CCNB1IP1: variants seen among roughly 807,000 people sequenced by gnomAD.
CCNB1IP1 encodes the protein E3 ubiquitin-protein ligase CCNB1IP1.
A neutral mutation model predicts 25.6 loss-of-function variants in CCNB1IP1; 14 were observed. The observed-to-expected ratio is 0.55, with a 90% CI of 0.36 to 0.85. The LOEUF is 0.85. Among genes scored for constraint, CCNB1IP1 ranks in the 40% least tolerant of loss-of-function variants. The pLI is 0.01. For synonymous variants in CCNB1IP1, 119 were observed against 116.1 expected, an observed-to-expected ratio of 1.02 and a Z score of -0.16; for missense variants, 278 against 342.4, an observed-to-expected ratio of 0.81 and a Z score of 1.48.
chr14:20,316,130 A>T, intron 5 of CCNB1IP1, 97 bp downstream of exon 5: 2 of 1,085,882 alleles, frequency 1.8e-6, no homozygotes, highest in Non-Finnish European at 2.6e-6. Flanking sequence ...TCATATACTC[A>T]TAAAAAATTA....
At chr14:20,324,786 A>G (rs1594282042) in intron 4 of CCNB1IP1, among the ~76,000 whole-genome samples, 1 of 152,080 alleles carries the variant, frequency 6.6e-6, no homozygotes, top group African/African-American at 2.4e-5. Context: ...TCCAGAACCC[A>G]TATATATACT....
intron 4 of CCNB1IP1, among the ~76,000 whole-genome samples, chr14:20,319,980 G>A (rs1443076416): frequency 6.6e-6 from 1 of 152,178 alleles, no homozygotes; most frequent in Non-Finnish European, 1.5e-5. Flanking sequence ...TTGTTTTAAT[G>A]TACAACTCTT....
intron 5 of CCNB1IP1, chr14:20,314,312 A>G (rs1882605879): frequency 6.6e-6 from 1 of 152,134 alleles, no homozygotes; most frequent in Non-Finnish European, 1.5e-5. Context: ...TAGGAGACAC[A>G]CTCCCTTGCT....
intron 4 of CCNB1IP1, among the ~76,000 whole-genome samples, chr14:20,317,356 G>A (rs1400763688): frequency 2.6e-5 from 4 of 152,000 alleles, no homozygotes; most frequent in African/African-American, 4.8e-5. Context: ...CAGTGAGCCG[G>A]GATCGCGCCA....
At chr14:20,324,952 G>A (rs1280714294) in intron 4 of CCNB1IP1, among the ~76,000 whole-genome samples, 1 of 152,040 alleles carries the variant, frequency 6.6e-6, no homozygotes, top group Non-Finnish European at 1.5e-5. Context: ...TGGGACTACA[G>A]GCGCACACCA....
intron 4 of CCNB1IP1, among the ~76,000 whole-genome samples, chr14:20,324,511 T>G (rs1883003726): frequency 6.6e-6 from 1 of 152,106 alleles, no homozygotes; most frequent in Non-Finnish European, 1.5e-5. Context: ...CGTCAATCTA[T>G]TATGCAGATG....
intron 4 of CCNB1IP1, among the ~76,000 whole-genome samples, chr14:20,323,917 C>CAAAAAAAAAAAAAAA (rs59156707): frequency 1.4e-5 from 1 of 73,720 alleles, no homozygotes; most frequent in Non-Finnish European, 2.5e-5. Flanking sequence ...GACTCCGTCT[C>CAAAAAAAAAAAAAAA]AAAAAAAAAA....
At chr14:20,323,014 T>C (rs1457099204) in intron 4 of CCNB1IP1, among the ~76,000 whole-genome samples, 2 of 152,214 alleles carry the variant, frequency 1.3e-5, no homozygotes, top group Non-Finnish European at 2.9e-5. Flanking sequence ...TGAATGACTT[T>C]AGAGTATAAT....
intron 2 of CCNB1IP1, among the ~76,000 whole-genome samples, chr14:20,327,153 A>C (rs1054417916): frequency 3.9e-5 from 6 of 152,180 alleles, no homozygotes; most frequent in African/African-American, 1.2e-4. Context: ...ATTTTGTATA[A>C]ATTTACAAGC....
intron 4 of CCNB1IP1, among the ~76,000 whole-genome samples, chr14:20,317,115 T>C (rs552140421): frequency 1.3e-5 from 2 of 151,360 alleles, no homozygotes; most frequent in African/African-American, 4.9e-5. Flanking sequence ...TCTCATAACA[T>C]GTATATATAT....
At chr14:20,314,010 A>G (rs1041725025) in intron 5 of CCNB1IP1, among the ~76,000 whole-genome samples, 2 of 152,368 alleles carry the variant, frequency 1.3e-5, no homozygotes, top group Admixed American at 1.3e-4. Context: ...AAAGTCTGGA[A>G]GAATACTCTC....
intron 4 of CCNB1IP1, among the ~76,000 whole-genome samples, chr14:20,319,412 T>C (rs907223618): frequency 2.0e-5 from 3 of 152,212 alleles, no homozygotes; most frequent in South Asian, 2.1e-4. Context: ...TTGAGCCTTC[T>C]GTGTGAATTC....
intron 4 of CCNB1IP1, among the ~76,000 whole-genome samples, chr14:20,322,131 C>A (rs1882913489): frequency 6.6e-6 from 1 of 152,202 alleles, no homozygotes; most frequent in Non-Finnish European, 1.5e-5. Flanking sequence ...CTATTCCTCA[C>A]ATAAATAGAT....
At position 20,311,540 on chromosome 14, in the gene CCNB1IP1, T is replaced by G. The variant is rs1594272097; in HGVS notation, c.*10A>C. 1.2e-6 allele frequency: 2 copies of G among 1,610,648 alleles called. No individual in the cohort carries two copies. Among genetic ancestry groups the G allele is most frequent in the African/African-American group, 1.3e-5 (1 of 74,914 alleles). On this transcript the variant is annotated 3_prime_UTR_variant, in exon 7 of 7. Transcript: ENST00000358932. ...AGCTGGGATCACAGGTGCGTGACAC[T>G]ATGCGTGGCTCAAATTCTTTTTACT...
intron 4 of CCNB1IP1, among the ~76,000 whole-genome samples, chr14:20,324,914 G>A (rs1883019941): frequency 6.6e-6 from 1 of 151,896 alleles, no homozygotes; most frequent in South Asian, 2.1e-4. Flanking sequence ...TCCACCTCCT[G>A]GGTTCAAGCC....
At chr14:20,311,841 A>G in intron 6 of CCNB1IP1, 89 bp from the exon 7 acceptor site, 1 of 642,276 alleles carries the variant, frequency 1.6e-6, no homozygotes, top group Non-Finnish European at 2.4e-6. Flanking sequence ...TATATATATG[A>G]ATATATATTT....
chr14:20,321,139 A>G (rs1004096789), intron 4 of CCNB1IP1, among the ~76,000 whole-genome samples: 78 of 150,204 alleles, frequency 5.2e-4, no homozygotes, highest in African/African-American at 1.9e-3. Context: ...TCCGTCTCAA[A>G]AAAAAAAAAA....
In CCNB1IP1 at chr14:20,311,682, C is replaced by T. The variant is rs946981868; in HGVS notation, c.702G>A (p.Gln234=). 1.2e-6 allele frequency: 2 copies of T among 1,614,104 alleles called. No homozygotes were observed. The highest frequency in any genetic ancestry group is 2.7e-5 in the African/African-American group (2 of 75,014). ...RNRGDGDGDF[Q]FRPFFAGSPT... is the part of the protein sequence containing the mutation. ...GAGAACCCGCAAAAAATGGTCTGAA[C>T]TGAAAATCTCCATCTCCATCGCCCC... is the stretch of plus-strand genomic sequence containing the variant. The change falls in exon 7 of 7, where the codon CAG becomes CAA. Residue 234 remains glutamine, a synonymous_variant. Coordinates refer to ENST00000358932, the MANE Select transcript of CCNB1IP1 (RefSeq NM_021178.5).
rs115692698 is a variant in CCNB1IP1 at position 20,313,287 on chromosome 14, G to C, written c.631+181C>G. On this transcript the variant is annotated intron_variant, in intron 6 of 6. Transcript: ENST00000358932. ...AATTAAAGCTTTAATTTAAATGTAAGCAAATACAATAGATAAAAGCAATGA... is the reference window on the plus strand; with the variant it reads ...AATTAAAGCTTTAATTTAAATGTAACCAAATACAATAGATAAAAGCAATGA... Among the ~76,000 whole-genome samples, 230 of 152,266 alleles carry C rather than the reference G, an allele frequency of 1.5e-3. 1 individual carries two copies. The highest frequency in any genetic ancestry group is 5.3e-3 in the African/African-American group (220 of 41,546).
Sources: allele counts gnomAD v4.1 joint callset (sites outside exome capture counted in the v4.1 genomes callset), GRCh38; gene constraint gnomAD v4.1.1; transcripts MANE v1.5; gene names NCBI Gene and HGNC (gene_info 2026-07-23, HGNC 2026-07-21).